Variants in C10orf90 observed in about 807,000 individuals in gnomAD.
C10orf90 encodes the protein chromosome 10 open reading frame 90, also known as (E2-independent) E3 ubiquitin-conjugating enzyme FATS.
Under a neutral mutation model 62.5 loss-of-function variants are expected in C10orf90, and 56 were observed. The observed-to-expected ratio is 0.90, with a 90% CI of 0.72 to 1.12. The LOEUF (loss-of-function observed/expected upper bound fraction) is 1.12. Among genes scored for constraint, C10orf90 ranks in the 50% most tolerant of loss-of-function variants. C10orf90 has a pLI of 0.00. For synonymous variants in C10orf90, 386 were observed against 340.4 expected (o/e 1.13, Z -1.47); for missense variants, 970 against 880.4 (o/e 1.10, Z -1.29).
At chr10:126,462,535 T>C (rs1480551974) in intron 5 of C10orf90, among the ~76,000 whole-genome samples, 3 of 152,110 alleles carry the variant, frequency 2.0e-5, no homozygotes, top group African/African-American at 7.2e-5. Flanking sequence ...ACATCACTCA[T>C]TCAGCAGCAT....
chr10:126,478,535 C>T (rs1311237973), intron 4 of C10orf90, among the ~76,000 whole-genome samples: 2 of 152,198 alleles, frequency 1.3e-5, no homozygotes, highest in Non-Finnish European at 2.9e-5. Flanking sequence ...TATATACACA[C>T]AAGATGATAC....
chr10:126,525,995 G>A (rs777340161), intron 2 of C10orf90, among the ~76,000 whole-genome samples: 52 of 145,870 alleles, frequency 3.6e-4, no homozygotes, highest in Non-Finnish European at 4.9e-4. Context: ...ATCCAAAGCT[G>A]CCTAAATAGC....
intron 2 of C10orf90, 113 bp from the exon 3 acceptor site, chr10:126,514,052 A>G (rs1417312683): frequency 5.5e-6 from 4 of 730,028 alleles, no homozygotes; most frequent in Non-Finnish European, 9.0e-6. Flanking sequence ...ATCAGCCAAC[A>G]GTAAATCCAG....
At chr10:126,642,271 G>A (rs751906140) in intron 2 of C10orf90, among the ~76,000 whole-genome samples, 3 of 152,144 alleles carry the variant, frequency 2.0e-5, no homozygotes, top group Admixed American at 6.5e-5. Context: ...GGTGGCTCAC[G>A]CTTGTAATCC....
intron 2 of C10orf90, among the ~76,000 whole-genome samples, chr10:126,591,621 C>T (rs1449869063): frequency 6.6e-6 from 1 of 152,110 alleles, no homozygotes; most frequent in Non-Finnish European, 1.5e-5. Context: ...GAAGCATTCC[C>T]CTTGAAAACC....
At chr10:126,477,111 TTTTTTTTGG>T (rs1860928670) in intron 4 of C10orf90, among the ~76,000 whole-genome samples, 1 of 90,384 alleles carries the variant, frequency 1.1e-5, no homozygotes, top group Non-Finnish European at 2.1e-5. Flanking sequence ...TTTTTTTTTT[TTTTTTTTGG>T]ATTTTTGGAG....
rs185970096 is a variant in C10orf90, at chr10:126,547,445, A to T, written c.314-33506T>A. Among the ~76,000 whole-genome samples, 370 of 151,662 alleles carry T rather than the reference A, an allele frequency of 2.4e-3. 1 individual carries two copies. The highest frequency in any genetic ancestry group is 4.6e-3 in the Admixed American group (70 of 15,248). ...AAAAAAAAATAAAATAAAGAGAAAG[A>T]AAGAAAATCATTCGTTCATCACAAC... is the stretch of plus-strand genomic sequence containing the variant. On this transcript the variant is annotated intron_variant, in intron 2 of 9. Coordinates refer to ENST00000488181, the MANE Select transcript of C10orf90 (RefSeq NM_001350921.2).
intron 4 of C10orf90, among the ~76,000 whole-genome samples, chr10:126,494,538 G>T (rs577750801): frequency 6.6e-6 from 1 of 152,316 alleles, no homozygotes; most frequent in African/African-American, 2.4e-5. Context: ...GGGCGCACAT[G>T]AATAGCATTG....
chr10:126,611,674 C>T (rs1845437998), intron 2 of C10orf90, among the ~76,000 whole-genome samples: 1 of 152,106 alleles, frequency 6.6e-6, no homozygotes, highest in East Asian at 1.9e-4. Context: ...ATTTTGGTTC[C>T]ACACTCATTC....
At chr10:126,585,059 A>AT (rs1215641970) in intron 2 of C10orf90, among the ~76,000 whole-genome samples, 1 of 151,912 alleles carries the variant, frequency 6.6e-6, no homozygotes, top group Non-Finnish European at 1.5e-5. Flanking sequence ...CCTCAGCAGT[A>AT]TGGAGGTTGG....
At chr10:126,612,953 A>C in intron 2 of C10orf90, among the ~76,000 whole-genome samples, 1 of 152,200 alleles carries the variant, frequency 6.6e-6, no homozygotes, top group African/African-American at 2.4e-5. Flanking sequence ...ACGGCATGTT[A>C]CATACTAAAG....
chr10:126,439,040 C>A (rs1017167197), intron 7 of C10orf90, among the ~76,000 whole-genome samples: 1 of 152,104 alleles, frequency 6.6e-6, no homozygotes, highest in East Asian at 1.9e-4. Context: ...ACCATGAATG[C>A]GCCTATCAGC....
At chr10:126,661,526 G>A (rs1294044781) in intron 1 of C10orf90, among the ~76,000 whole-genome samples, 1 of 152,102 alleles carries the variant, frequency 6.6e-6, no homozygotes, top group Non-Finnish European at 1.5e-5. Flanking sequence ...CTCTCCCTTG[G>A]TTTGGCTGAA....
At chr10:126,515,922 C>G (rs540880943) in intron 2 of C10orf90, among the ~76,000 whole-genome samples, 33 of 152,312 alleles carry the variant, frequency 2.2e-4, no homozygotes, top group African/African-American at 7.9e-4. Context: ...TCCAAGATGA[C>G]GTGCACAGAT....
chr10:126,645,409 CAA>C, intron 2 of C10orf90, among the ~76,000 whole-genome samples: 1 of 28,944 alleles, frequency 3.5e-5, no homozygotes. Flanking sequence ...CTCTACCAAA[CAA>C]ACAAACAAAC....
At chr10:126,476,042 T>C (rs1164342022) in intron 4 of C10orf90, among the ~76,000 whole-genome samples, 2 of 152,136 alleles carry the variant, frequency 1.3e-5, no homozygotes, top group African/African-American at 4.8e-5. Context: ...TCAGTCCTGT[T>C]CCTCCCTCCA....
intron 8 of C10orf90, among the ~76,000 whole-genome samples, chr10:126,427,134 C>T (rs4578294): frequency 0.14 from 21,303 of 152,190 alleles, 2,010 homozygotes; most frequent in Non-Finnish European, 0.19. Context: ...TTGTGAGATC[C>T]GGGAAATGCT....
intron 2 of C10orf90, among the ~76,000 whole-genome samples, chr10:126,564,427 T>C (rs1185041021): frequency 6.6e-6 from 1 of 151,816 alleles, no homozygotes; most frequent in East Asian, 2.0e-4. Context: ...CAGCCAAGCC[T>C]GCAAACCTTC....
In C10orf90 at chr10:126,433,232, A is replaced by G. The variant is rs372069345; in HGVS notation, c.2189-3382T>C. On this transcript the variant is annotated intron_variant, in intron 7 of 9. Coordinates refer to ENST00000488181, the MANE Select transcript of C10orf90 (RefSeq NM_001350921.2). The stretch of plus-strand genomic sequence containing the variant: ...TAAAGTTTTTATCTCCTTGGTGCTA[A>G]GCGATAGGGACATGAAGATAAATAA... 8.9e-4 allele frequency among the ~76,000 whole-genome samples: 135 copies of G among 152,290 alleles called. 3 individuals carry two copies. The South Asian group carries it at 0.021, about 24-fold the overall frequency.
Sources: allele counts gnomAD v4.1 joint callset (sites outside exome capture counted in the v4.1 genomes callset), GRCh38; gene constraint gnomAD v4.1.1; transcripts MANE v1.5; gene names NCBI Gene and HGNC (gene_info 2026-07-23, HGNC 2026-07-21).